The following EYS variants were observed in gnomAD, a reference collection of about 807,000 sequenced individuals.
EYS encodes protein eyes shut homolog.
In EYS, 250 loss-of-function variants were observed where a neutral mutation model predicts 282.1. The ratio of observed to expected loss-of-function variants is 0.89; its 90% CI spans 0.80 to 0.98. The LOEUF is 0.98. Among genes scored for constraint, EYS ranks in the 50% least tolerant of loss-of-function variants. The pLI, the probability that EYS is intolerant of heterozygous loss-of-function variation, is 0.00. For missense variants in EYS, 4,016 were observed against 3,709.0 expected (o/e 1.08, Z -2.15); for synonymous variants, 1,355 against 1,282.9 (o/e 1.06, Z -1.20).
At chr6:64,028,103 G>A (rs1201242973) in intron 33 of EYS, among the ~76,000 whole-genome samples, 1 of 152,154 alleles carries the variant, frequency 6.6e-6, no homozygotes, top group Non-Finnish European at 1.5e-5. Flanking sequence ...TATTAGGGAG[G>A]GATATATTAG....
chr6:64,619,844 GGAAACAGCCTGA>G (rs1767389043), intron 23 of EYS, among the ~76,000 whole-genome samples: 1 of 151,906 alleles, frequency 6.6e-6, no homozygotes, highest in Non-Finnish European at 1.5e-5. Context: ...CAGGTCCTTG[GGAAACAGCCTGA>G]GAGAAGATTT....
At chr6:64,217,589 T>C (rs1582441009) in intron 31 of EYS, among the ~76,000 whole-genome samples, 1 of 152,258 alleles carries the variant, frequency 6.6e-6, no homozygotes, top group East Asian at 1.9e-4. Context: ...AAGAGTGGAT[T>C]CATTTACATC....
At chr6:64,889,772 C>T (rs541470906) in intron 18 of EYS, among the ~76,000 whole-genome samples, 3 of 151,844 alleles carry the variant, frequency 2.0e-5, no homozygotes, top group Non-Finnish European at 2.9e-5. Flanking sequence ...CGCCTCAGGA[C>T]CTTGTGATAA....
intron 24 of EYS, among the ~76,000 whole-genome samples, chr6:64,605,638 T>C (rs946454664): frequency 1.3e-5 from 2 of 151,862 alleles, no homozygotes; most frequent in African/African-American, 4.8e-5. Context: ...CTGAGACCAC[T>C]GTTTATGACT....
At chr6:65,517,090 C>T (rs1767163617) in intron 2 of EYS, among the ~76,000 whole-genome samples, 1 of 151,818 alleles carries the variant, frequency 6.6e-6, no homozygotes, top group Non-Finnish European at 1.5e-5. Context: ...GCCTCAGTTT[C>T]CTTAGCTATA....
In EYS at chr6:65,268,351, G is replaced by A. The variant is rs1016265766; in HGVS notation, c.2023+27512C>T. Among the ~76,000 whole-genome samples, 39 of 151,910 alleles carry A rather than the reference G, an allele frequency of 2.6e-4. 1 individual carries two copies. The highest frequency in any genetic ancestry group is 8.9e-4 in the African/African-American group (37 of 41,392). On this transcript the variant is annotated intron_variant, in intron 12 of 42. Transcript: ENST00000503581. ...CATATGATAAAAAGGATAAATTATA[G>A]ATTTGAAAAGATCATGAATATTATG... is the stretch of plus-strand genomic sequence containing the variant.
chr6:63,778,023 C>T lies in EYS; in HGVS notation c.7881G>A (p.Glu2627=). The change falls in exon 40 of 43, where the codon GAG becomes GAA. Residue 2627 remains glutamate (E), a synonymous_variant. Transcript: ENST00000503581. The part of the protein sequence containing the change: ...MKCGNGGTCI[E]SGTSVYCNCT... ...ATACTTACTAAACACTAGTTCCACT[C>T]TCTATGCATGTCCCACCATTGCCAC... is the stretch of plus-strand genomic sequence containing the variant. The T allele has an allele frequency of 6.4e-7, 1 of 1,551,664 alleles. No homozygotes were observed. The highest frequency in any genetic ancestry group is 8.7e-7 in the Non-Finnish European group (1 of 1,146,926).
At chr6:65,211,241 G>T (rs1766169795) in intron 12 of EYS, among the ~76,000 whole-genome samples, 1 of 151,974 alleles carries the variant, frequency 6.6e-6, no homozygotes, top group Admixed American at 6.6e-5. Context: ...CTAGGAAAGG[G>T]CTTGTGTTGG....
At chr6:64,401,159 T>C (rs1773526803) in intron 28 of EYS, among the ~76,000 whole-genome samples, 1 of 152,032 alleles carries the variant, frequency 6.6e-6, no homozygotes, top group Non-Finnish European at 1.5e-5. Context: ...TGTAGATAAA[T>C]ATTCAAAAAG....
chr6:64,357,924 C>T (rs1771881888), intron 29 of EYS, among the ~76,000 whole-genome samples: 1 of 151,514 alleles, frequency 6.6e-6, no homozygotes, highest in African/African-American at 2.4e-5. Flanking sequence ...AGAGTATTTT[C>T]CATTAGTTAT....
At chr6:65,483,824 G>A (rs1363984297) in intron 5 of EYS, among the ~76,000 whole-genome samples, 1 of 152,148 alleles carries the variant, frequency 6.6e-6, no homozygotes, top group Non-Finnish European at 1.5e-5. Context: ...AGGCAAGGAG[G>A]AGCAAGTCAC....
chr6:64,417,390 C>T (rs1774090111), intron 28 of EYS, among the ~76,000 whole-genome samples: 1 of 152,082 alleles, frequency 6.6e-6, no homozygotes. Flanking sequence ...TTTTAATTTG[C>T]TTGTTTCCAG....
chr6:64,394,527 G>T (rs1773287678), intron 28 of EYS, among the ~76,000 whole-genome samples: 2 of 152,118 alleles, frequency 1.3e-5, no homozygotes, highest in South Asian at 4.1e-4. Flanking sequence ...ACAAGAAATG[G>T]GGAAATGATT....
intron 30 of EYS, among the ~76,000 whole-genome samples, chr6:64,295,269 A>C (rs891805466): frequency 1.1e-4 from 15 of 138,416 alleles, no homozygotes; most frequent in African/African-American, 4.4e-4. Flanking sequence ...ACCAACATGC[A>C]CATGTATACA....
chr6:64,341,010 C>T (rs1561939625), intron 29 of EYS, among the ~76,000 whole-genome samples: 3 of 151,526 alleles, frequency 2.0e-5, no homozygotes, highest in Admixed American at 1.3e-4. Flanking sequence ...CAAACCACAA[C>T]GAGATACCAG....
chr6:64,014,487 TAA>T (rs1768794682), intron 33 of EYS, among the ~76,000 whole-genome samples: 1 of 152,162 alleles, frequency 6.6e-6, no homozygotes, highest in African/African-American at 2.4e-5. Context: ...ATTTTAATGT[TAA>T]GATATTTATA....
intron 31 of EYS, among the ~76,000 whole-genome samples, chr6:64,132,165 TTCATATACAGATCAA>T (rs1419931684): frequency 1.3e-5 from 2 of 152,154 alleles, no homozygotes; most frequent in Non-Finnish European, 2.9e-5. Flanking sequence ...ATGATTTGCT[TTCATATACAGATCAA>T]AAAATTCCTT....
At chr6:65,499,240 C>G (rs958920649) in intron 2 of EYS, among the ~76,000 whole-genome samples, 1 of 151,872 alleles carries the variant, frequency 6.6e-6, no homozygotes, top group East Asian at 1.9e-4. Context: ...TAAATTACAT[C>G]TTTTAAAAAA....
At chr6:65,029,144 T>C (rs1485046152) in intron 13 of EYS, among the ~76,000 whole-genome samples, 1 of 152,158 alleles carries the variant, frequency 6.6e-6, no homozygotes, top group Non-Finnish European at 1.5e-5. Context: ...AAAAAAGATA[T>C]TTAAGGTTTC....
Sources: gnomAD v4.1 joint callset for allele counts (sites outside exome capture counted in the v4.1 genomes callset) on GRCh38, gnomAD v4.1.1 for gene constraint, MANE v1.5 for transcripts, NCBI Gene and HGNC (gene_info 2026-07-23, HGNC 2026-07-21) for gene names.